Variants in ARFGEF3 observed in about 807,000 individuals in gnomAD.
The protein encoded by ARFGEF3 is brefeldin A-inhibited guanine nucleotide-exchange protein 3.
In ARFGEF3, 96 loss-of-function variants were observed where a neutral mutation model predicts 221.7. That is an observed-to-expected ratio of 0.43 (90% confidence interval 0.37 to 0.51). ARFGEF3 has a LOEUF of 0.51. ARFGEF3 is among the 20% of genes least tolerant of loss of function. The pLI, the probability that ARFGEF3 is intolerant of heterozygous loss-of-function variation, is 0.00. For synonymous variants in ARFGEF3, 1,145 were observed against 1,126.8 expected (o/e 1.02, Z -0.32); for missense variants, 2,410 against 2,789.9 (o/e 0.86, Z 3.07).
At chr6:138,232,202 C>T in intron 5 of ARFGEF3, among the ~76,000 whole-genome samples, 1 of 152,090 alleles carries the variant, frequency 6.6e-6, no homozygotes, top group Non-Finnish European at 1.5e-5. Context: ...TTGCCAAGGT[C>T]TTGGAGTAAA....
intron 26 of ARFGEF3, among the ~76,000 whole-genome samples, chr6:138,314,705 C>G (rs866875383): frequency 9.8e-5 from 15 of 152,332 alleles, no homozygotes; most frequent in Middle Eastern, 6.8e-3. Context: ...ACAGGAGCAA[C>G]ATGCCCCAGG....
rs143449021 is a variant in ARFGEF3 at position 138,188,672 on chromosome 6, T to A, written c.137+17959T>A. 1.2e-4 allele frequency among the ~76,000 whole-genome samples: 19 copies of A among 152,378 alleles called. No individual in the cohort carries two copies. The East Asian group carries it at 3.3e-3, about 26-fold the overall frequency. On this transcript the variant is annotated intron_variant, in intron 2 of 33. Transcript: ENST00000251691. ...CAGACAGGCTGAAGGGCACCTGTTGTGCCCACACACAAACCCAACCTTTAA... is the reference window on the plus strand; with the variant it reads ...CAGACAGGCTGAAGGGCACCTGTTGAGCCCACACACAAACCCAACCTTTAA...
intron 27 of ARFGEF3, among the ~76,000 whole-genome samples, chr6:138,319,354 AG>A (rs1259516045): frequency 6.6e-6 from 1 of 151,702 alleles, no homozygotes; most frequent in Non-Finnish European, 1.5e-5. Context: ...CCATGTAGTT[AG>A]ATTTCATAAA....
At chr6:138,269,905 A>G (rs1015143021) in intron 12 of ARFGEF3, among the ~76,000 whole-genome samples, 3 of 152,216 alleles carry the variant, frequency 2.0e-5, no homozygotes, top group Non-Finnish European at 2.9e-5. Flanking sequence ...CCAGAGCTCC[A>G]TGATGATCAG....
At chr6:138,260,596 A>G (rs1233415439) in intron 10 of ARFGEF3, among the ~76,000 whole-genome samples, 1 of 152,222 alleles carries the variant, frequency 6.6e-6, no homozygotes, top group Non-Finnish European at 1.5e-5. Flanking sequence ...TTAATGTCCT[A>G]ATTCTCCAGC....
At chr6:138,283,026 G>C (rs2114623428) in intron 14 of ARFGEF3, among the ~76,000 whole-genome samples, 1 of 151,994 alleles carries the variant, frequency 6.6e-6, no homozygotes, top group African/African-American at 2.4e-5. Flanking sequence ...ACTTCAGCCT[G>C]AGCAACAGAG....
intron 2 of ARFGEF3, among the ~76,000 whole-genome samples, chr6:138,187,540 C>T (rs759841595): frequency 6.6e-6 from 1 of 152,184 alleles, no homozygotes; most frequent in Non-Finnish European, 1.5e-5. Context: ...AATTGGGTAG[C>T]GCCCAGCCTG....
intron 1 of ARFGEF3, among the ~76,000 whole-genome samples, chr6:138,163,873 C>G (rs1265737695): frequency 6.6e-6 from 1 of 152,084 alleles, no homozygotes; most frequent in Non-Finnish European, 1.5e-5. Context: ...TTGGGCAAAC[C>G]AGGAAAACAA....
chr6:138,169,463 T>A (rs145979240), intron 1 of ARFGEF3, among the ~76,000 whole-genome samples: 227 of 152,320 alleles, frequency 1.5e-3, no homozygotes, highest in African/African-American at 5.2e-3. Flanking sequence ...TATATATCCC[T>A]CTGTCCTGCG....
intron 2 of ARFGEF3, among the ~76,000 whole-genome samples, chr6:138,186,631 G>A (rs923105921): frequency 6.6e-6 from 1 of 152,162 alleles, no homozygotes; most frequent in Non-Finnish European, 1.5e-5. Flanking sequence ...ATGCTGTTGG[G>A]CAAAATAAAG....
intron 8 of ARFGEF3, among the ~76,000 whole-genome samples, chr6:138,246,411 G>A (rs1778488107): frequency 6.6e-6 from 1 of 152,188 alleles, no homozygotes; most frequent in Admixed American, 6.5e-5. Context: ...GTAATGAGTT[G>A]GGAGAAATAG....
At chr6:138,229,699 G>T in intron 4 of ARFGEF3, 85 bp from the exon 5 acceptor site, 1 of 998,080 alleles carries the variant, frequency 1.0e-6, no homozygotes, top group Non-Finnish European at 1.6e-6. Flanking sequence ...ATAAAAACAG[G>T]ACTGCACAAA....
chr6:138,223,821 A>C (rs1778028562), intron 4 of ARFGEF3, among the ~76,000 whole-genome samples: 1 of 152,198 alleles, frequency 6.6e-6, no homozygotes, highest in African/African-American at 2.4e-5. Context: ...CCATGGCATG[A>C]CTTCCCAGAG....
At chr6:138,235,592 C>T (rs765722139) in intron 5 of ARFGEF3, among the ~76,000 whole-genome samples, 1 of 152,088 alleles carries the variant, frequency 6.6e-6, no homozygotes, top group Non-Finnish European at 1.5e-5. Context: ...TTTAGTACTG[C>T]CCTGAGGTAG....
chr6:138,199,669 C>T (rs895942658), intron 2 of ARFGEF3, among the ~76,000 whole-genome samples: 2 of 152,114 alleles, frequency 1.3e-5, no homozygotes, highest in African/African-American at 2.4e-5. Flanking sequence ...TGATTTGATT[C>T]TCCACTTGGT....
chr6:138,298,126 G>A (rs939982277), intron 21 of ARFGEF3, among the ~76,000 whole-genome samples: 7 of 152,156 alleles, frequency 4.6e-5, no homozygotes, highest in African/African-American at 1.7e-4. Context: ...CCCAGGGCCA[G>A]TACAGGAAAG....
chr6:138,261,940 A>C (rs892878142), intron 11 of ARFGEF3, among the ~76,000 whole-genome samples: 1 of 152,178 alleles, frequency 6.6e-6, no homozygotes, highest in African/African-American at 2.4e-5. Context: ...CTTCATATGT[A>C]GCCCCCCTAG....
chr6:138,270,280 G>A (rs1025286400), intron 12 of ARFGEF3, among the ~76,000 whole-genome samples: 2 of 152,116 alleles, frequency 1.3e-5, no homozygotes, highest in African/African-American at 4.8e-5. Context: ...AACCAACTAT[G>A]GATTCAGAGT....
chr6:138,322,165 A>G (rs921201586), intron 29 of ARFGEF3, among the ~76,000 whole-genome samples: 1 of 152,186 alleles, frequency 6.6e-6, no homozygotes, highest in Non-Finnish European at 1.5e-5. Flanking sequence ...TAGAACAAAA[A>G]GGCCAAGTAA....
Sources: allele counts gnomAD v4.1 joint callset (sites outside exome capture counted in the v4.1 genomes callset), GRCh38; gene constraint gnomAD v4.1.1; transcripts MANE v1.5; gene names NCBI Gene and HGNC (gene_info 2026-07-23, HGNC 2026-07-21).